NPSR1: variants seen among roughly 807,000 people sequenced by gnomAD.
NPSR1 encodes neuropeptide S receptor 1, also known as neuropeptide S receptor.
A neutral mutation model predicts 46.9 loss-of-function variants in NPSR1; 48 were observed. The ratio of observed to expected loss-of-function variants is 1.02; its 90% CI spans 0.81 to 1.30. The LOEUF is 1.30. NPSR1 is among the 50% of genes most tolerant of loss of function. The pLI is 0.00. For missense variants in NPSR1, 450 were observed against 449.5 expected, an observed-to-expected ratio of 1.00 and a Z score of -0.01; for synonymous variants, 176 against 168.1, an observed-to-expected ratio of 1.05 and a Z score of -0.36.
At chr7:34,789,740 C>CAAAAAAAA (rs751424409) in intron 3 of NPSR1, among the ~76,000 whole-genome samples, 26 of 45,344 alleles carry the variant, frequency 5.7e-4, no homozygotes, top group South Asian at 9.1e-4. Flanking sequence ...TTGCAGTGCG[C>CAAAAAAAA]AAAAAAAAAA....
chr7:34,677,376 C>G (rs1792371536), intron 1 of NPSR1, among the ~76,000 whole-genome samples: 1 of 152,084 alleles, frequency 6.6e-6, no homozygotes, highest in Admixed American at 6.6e-5. Context: ...CATGGCCTGC[C>G]TGTATTTATA....
At chr7:34,776,875 G>A (rs985253766) in intron 2 of NPSR1, among the ~76,000 whole-genome samples, 2 of 152,162 alleles carry the variant, frequency 1.3e-5, no homozygotes, top group Admixed American at 1.3e-4. Flanking sequence ...CTAGAGCTTG[G>A]AAAGGCGGCC....
intron 2 of NPSR1, among the ~76,000 whole-genome samples, chr7:34,698,106 A>T (rs1554308755): frequency 6.6e-6 from 1 of 152,168 alleles, no homozygotes; most frequent in Admixed American, 6.5e-5. Context: ...TATGTGTATC[A>T]AAAGTTTATA....
rs191081315 is a variant in NPSR1 at position 34,819,215 on chromosome 7, T to G, written c.478+7352T>G. Among the ~76,000 whole-genome samples the G allele has an allele frequency of 2.7e-3, 404 of 152,006 alleles. 4 individuals are homozygous for G. The highest frequency in any genetic ancestry group is 8.6e-3 in the African/African-American group (358 of 41,438). On this transcript the variant is annotated intron_variant, in intron 4 of 8. Coordinates refer to ENST00000360581, the MANE Select transcript of NPSR1 (RefSeq NM_207172.2). ...AGAATCTACAAAGAACTCAAACAAA[T>G]TTACAAGAGAAAAAACAACCCCATC...
intron 2 of NPSR1, among the ~76,000 whole-genome samples, chr7:34,776,175 C>T (rs545097958): frequency 3.3e-5 from 5 of 152,160 alleles, no homozygotes; most frequent in African/African-American, 1.2e-4. Flanking sequence ...TTGAGAATGA[C>T]CCATGTGCTG....
chr7:34,704,842 G>T (rs1049181527), intron 2 of NPSR1, among the ~76,000 whole-genome samples: 1 of 152,184 alleles, frequency 6.6e-6, no homozygotes, highest in Non-Finnish European at 1.5e-5. Flanking sequence ...TAGAAGCAAG[G>T]GAAACAATTA....
chr7:34,841,598 T>C (rs1288032972), intron 6 of NPSR1, among the ~76,000 whole-genome samples: 4 of 152,206 alleles, frequency 2.6e-5, no homozygotes, highest in African/African-American at 4.8e-5. Context: ...TAAAGGAGAA[T>C]TACCAGCATT....
chr7:34,791,002 TTATATGTTATATTA>T (rs1562730429), intron 3 of NPSR1, among the ~76,000 whole-genome samples: 4 of 122,482 alleles, frequency 3.3e-5, no homozygotes, highest in East Asian at 2.2e-4. Flanking sequence ...ATGTTATATG[TTATATGTTATATTA>T]TATATGTTAT....
chr7:34,856,789 T>G (rs1304858666), intron 8 of NPSR1, among the ~76,000 whole-genome samples: 1 of 151,568 alleles, frequency 6.6e-6, no homozygotes, highest in Non-Finnish European at 1.5e-5. Context: ...GTTTTCTTCT[T>G]TGGTAAGTCT....
intron 4 of NPSR1, among the ~76,000 whole-genome samples, chr7:34,818,417 G>C (rs1381170885): frequency 6.6e-6 from 1 of 152,140 alleles, no homozygotes; most frequent in Admixed American, 6.6e-5. Flanking sequence ...GGAAATAAAA[G>C]AGGACACAAA....
At chr7:34,733,076 T>C (rs1000034503) in intron 2 of NPSR1, among the ~76,000 whole-genome samples, 1 of 152,120 alleles carries the variant, frequency 6.6e-6, no homozygotes, top group African/African-American at 2.4e-5. Context: ...ATTAGACAAA[T>C]GAATGATGAA....
At chr7:34,809,556 C>A (rs1010503649) in intron 3 of NPSR1, among the ~76,000 whole-genome samples, 2 of 150,862 alleles carry the variant, frequency 1.3e-5, no homozygotes, top group African/African-American at 2.4e-5. Flanking sequence ...CTCTGCCTCC[C>A]GGGTTCACGC....
At chr7:34,793,328 T>C (rs990676219) in intron 3 of NPSR1, among the ~76,000 whole-genome samples, 1 of 152,044 alleles carries the variant, frequency 6.6e-6, no homozygotes, top group African/African-American at 2.4e-5. Flanking sequence ...ATATCCAGAA[T>C]ATATGAGAAA....
chr7:34,820,429 A>G (rs1418456495), intron 4 of NPSR1, among the ~76,000 whole-genome samples: 1 of 152,190 alleles, frequency 6.6e-6, no homozygotes, highest in Non-Finnish European at 1.5e-5. Flanking sequence ...AGCCCTAGTT[A>G]TTATGATAGG....
At chr7:34,779,317 G>A (rs1009359868) in intron 3 of NPSR1, among the ~76,000 whole-genome samples, 7 of 151,612 alleles carry the variant, frequency 4.6e-5, no homozygotes, top group Non-Finnish European at 7.4e-5. Flanking sequence ...ACTGGTATTA[G>A]GTTTGATGTG....
chr7:34,728,848 T>A (rs1006525130), intron 2 of NPSR1: 1 of 152,678 alleles, frequency 6.5e-6, no homozygotes, highest in Admixed American at 6.5e-5. Flanking sequence ...GAAGATTAAA[T>A]GTCTGTAAAT....
At chr7:34,668,032 A>T (rs1562638352) in intron 1 of NPSR1, among the ~76,000 whole-genome samples, 2 of 152,098 alleles carry the variant, frequency 1.3e-5, no homozygotes, top group East Asian at 3.9e-4. Context: ...CTTACTCCTC[A>T]TGCCCTCTGG....
chr7:34,742,648 T>G (rs1285690815), intron 2 of NPSR1, among the ~76,000 whole-genome samples: 1 of 152,224 alleles, frequency 6.6e-6, no homozygotes, highest in Non-Finnish European at 1.5e-5. Flanking sequence ...TGTGTCTTTA[T>G]GGTAGAATGA....
chr7:34,834,204 G>A (rs1790260200), intron 5 of NPSR1, 180 bp from the exon 6 acceptor site: 1 of 598,144 alleles, frequency 1.7e-6, no homozygotes, highest in African/African-American at 1.9e-5. Context: ...ACTCCATCCA[G>A]TGGATCCTCA....
Sources: gnomAD v4.1 joint callset for allele counts (sites outside exome capture counted in the v4.1 genomes callset) on GRCh38, gnomAD v4.1.1 for gene constraint, MANE v1.5 for transcripts, NCBI Gene and HGNC (gene_info 2026-07-23, HGNC 2026-07-21) for gene names.